The following AMDHD2 variants were observed in gnomAD, a reference collection of about 807,000 sequenced individuals.
The protein encoded by AMDHD2 is amidohydrolase domain containing 2, also known as N-acetylglucosamine-6-phosphate deacetylase.
AMDHD2 carries 24 observed loss-of-function variants against 41.8 expected under a neutral mutation model. That is an observed-to-expected ratio of 0.57 (90% confidence interval 0.42 to 0.81). The LOEUF (loss-of-function observed/expected upper bound fraction) is 0.81, where lower values mean the gene tolerates loss of function less well. Among genes scored for constraint, AMDHD2 ranks in the 30% least tolerant of loss-of-function variants. The pLI is 0.00. For synonymous variants in AMDHD2, 332 were observed against 255.5 expected (o/e 1.30, Z -2.85); for missense variants, 540 against 588.5 (o/e 0.92, Z 0.85).
chr16:2,528,934 G>A, intron 9 of AMDHD2, 60 bp from the exon 10 acceptor site: 1 of 1,523,646 alleles, frequency 6.6e-7, no homozygotes, highest in South Asian at 1.2e-5. Flanking sequence ...GTGTGGTTGG[G>A]GGCTGTTGGC....
At position 2,529,492 on chromosome 16, in the gene AMDHD2, G is replaced by A. The variant is rs374982917; in HGVS notation, c.1159G>A (p.Asp387Asn). The change falls in exon 11 of 11, where the codon GAC becomes AAC. Residue 387 changes from aspartate to asparagine, a missense_variant. By Grantham distance (23) the Asp-to-Asn change is conservative. Coordinates refer to ENST00000293971, the MANE Select transcript of AMDHD2 (RefSeq NM_001330449.2). ...GADADFVVLDDSLHVQATYIS... is the reference protein window; with the variant it reads ...GADADFVVLDNSLHVQATYIS... ...TGTCCCAGACTTCGTGGTGCTCGAC[G>A]ACTCCCTTCACGTCCAGGCCACCTA... 4.7e-5 allele frequency: 76 copies of A among 1,611,136 alleles called. 1 individual carries two copies. The Middle Eastern group carries it at 8.2e-4, about 17-fold the overall frequency.
At position 2,522,988 on chromosome 16, in the gene AMDHD2, C is replaced by T. The variant is rs151210402; in HGVS notation, c.360+1865C>T. Among the ~76,000 whole-genome samples the T allele has an allele frequency of 2.8e-3, 419 of 151,758 alleles. 3 individuals are homozygous for T. In the East Asian group the frequency reaches 0.032, roughly 11 times the overall value. On this transcript the variant is annotated intron_variant, in intron 3 of 10. Coordinates refer to ENST00000293971, the MANE Select transcript of AMDHD2 (RefSeq NM_001330449.2). Reference sequence around the variant, plus strand: ...TCGCCCGAGTAGCTGGGACTACAGGCGCCCGCCACCATGCCCGGCTAATTT... The same window carrying T: ...TCGCCCGAGTAGCTGGGACTACAGGTGCCCGCCACCATGCCCGGCTAATTT...
intron 3 of AMDHD2, among the ~76,000 whole-genome samples, chr16:2,523,423 A>G (rs899093286): frequency 2.0e-5 from 3 of 152,042 alleles, no homozygotes; most frequent in African/African-American, 7.2e-5. Context: ...TGGATTTGGC[A>G]TTGGCCTCCT....
intron 3 of AMDHD2, among the ~76,000 whole-genome samples, chr16:2,523,004 C>T (rs530435595): frequency 6.6e-5 from 10 of 151,954 alleles, no homozygotes; most frequent in South Asian, 2.1e-4. Flanking sequence ...CCACCATGCC[C>T]GGCTAATTTT....
At chr16:2,521,195 G>GCCCCACC (rs2065931874) in intron 3 of AMDHD2, 72 bp downstream of exon 3, 2 of 1,464,682 alleles carry the variant, frequency 1.4e-6, no homozygotes, top group East Asian at 2.5e-5. Context: ...TCAAACTCAC[G>GCCCCACC]CCCCACCCCC....
Position 2,527,446 on chromosome 16 carries a change from G to C in AMDHD2, c.361-115G>C. On this transcript the variant is annotated intron_variant, in intron 3 of 10. Coordinates refer to ENST00000293971, the MANE Select transcript of AMDHD2 (RefSeq NM_001330449.2). This position sits in a 1 kb window ranked among gnomAD's most constrained non-coding sequence, Gnocchi z 6.1. ...CCCCTGTGAGGGGACAGGCGGCCGG[G>C]GCTGGGCTGGGTGCTGGGCTCTGAA... is the stretch of plus-strand genomic sequence containing the variant. 8.6e-7 allele frequency: 1 copy of C among 1,158,186 alleles called. No individual in the cohort carries two copies. The highest frequency in any genetic ancestry group is 2.3e-5 in the Admixed American group (1 of 43,440). The allele number at this position is 1,158,186 out of a possible 1,614,324, so 71.7% of individuals were successfully genotyped here.
Position 2,529,792 on chromosome 16 carries a change from T to G in AMDHD2, c.*229T>G. The G allele has an allele frequency of 7.0e-7, 1 of 1,430,448 alleles. No individual in the cohort carries two copies. Among genetic ancestry groups the G allele is most frequent in the Non-Finnish European group, 9.1e-7 (1 of 1,096,222 alleles). The allele number at this position is 1,430,448 out of a possible 1,614,324, so 88.6% of individuals were successfully genotyped here. ...GTGGCACCATCCTTGGTTGCCCTCC[T>G]GGAGAAGGCATTCACGGCCTGGGGT... On this transcript the variant is annotated 3_prime_UTR_variant, in exon 11 of 11. Transcript: ENST00000293971.
In AMDHD2 at chr16:2,531,323, G is replaced by A; in HGVS notation, c.*1760G>A. The A allele has an allele frequency of 1.8e-6, 1 of 542,866 alleles. No homozygotes were observed. The highest frequency in any genetic ancestry group is 3.4e-6 in the Non-Finnish European group (1 of 297,928). The allele number at this position is 542,866 out of a possible 1,614,324, so 33.6% of individuals were successfully genotyped here. The stretch of plus-strand genomic sequence containing the variant: ...AGAGCTGGGCCAGGGAGCTGCTGCA[G>A]GATGATTTTGAGGTGTGGGGGAAGC... On this transcript the variant is annotated 3_prime_UTR_variant, in exon 11 of 11. Transcript: ENST00000293971.
In AMDHD2 at chr16:2,527,879, C is replaced by G; in HGVS notation, c.522C>G (p.Thr174=). 2 of 1,596,660 alleles carry G rather than the reference C, an allele frequency of 1.3e-6. No individual in the cohort carries two copies. Among genetic ancestry groups the G allele is most frequent in the Non-Finnish European group, 1.7e-6 (2 of 1,178,834 alleles). ...EADAFQDLLA[T]YGPLDNVRIV... Reference sequence around the variant, plus strand: ...ATGCCTTCCAGGACTTGCTGGCCACCTACGGGCCCCTGGACAATGTCCGCA... The same window carrying G: ...ATGCCTTCCAGGACTTGCTGGCCACGTACGGGCCCCTGGACAATGTCCGCA... Residue 174 remains threonine (T), a synonymous_variant, in exon 5 of 11, where the codon ACC becomes ACG. Coordinates refer to ENST00000293971, the MANE Select transcript of AMDHD2 (RefSeq NM_001330449.2). The surrounding 1 kb of genome is among the most constrained non-coding windows in gnomAD (Gnocchi z 6.1).
chr16:2,526,050 G>A (rs574758251), intron 3 of AMDHD2, among the ~76,000 whole-genome samples: 8 of 152,316 alleles, frequency 5.3e-5, no homozygotes, highest in South Asian at 2.1e-4. Flanking sequence ...GAGGGTGTCC[G>A]TGATGGCCCT....
intron 3 of AMDHD2, among the ~76,000 whole-genome samples, chr16:2,521,537 C>T (rs1365995920): frequency 6.6e-6 from 1 of 152,182 alleles, no homozygotes; most frequent in African/African-American, 2.4e-5. Flanking sequence ...TGGAACACGC[C>T]TTCCAGAAGA....
intron 6 of AMDHD2, 23 bp from the exon 7 acceptor site, chr16:2,528,213 T>A: frequency 6.2e-7 from 1 of 1,611,900 alleles, no homozygotes; most frequent in Non-Finnish European, 8.5e-7. Flanking sequence ...CGCTCAGCCA[T>A]CCCTTCCCTC....
At chr16:2,525,986 C>T (rs758696185) in intron 3 of AMDHD2, among the ~76,000 whole-genome samples, 3 of 152,202 alleles carry the variant, frequency 2.0e-5, no homozygotes, top group Non-Finnish European at 2.9e-5. Flanking sequence ...GCCCAGTGTT[C>T]CTTTTTCTGC....
Position 2,530,897 on chromosome 16 carries a change from G to T in AMDHD2, c.*1334G>T, listed in dbSNP as rs375338784. ...CAGGGATACCCACCTCTGCCTTGAC[G>T]GCCGCGCACCCCTTAGGAAGTGGCT... On this transcript the variant is annotated 3_prime_UTR_variant, in exon 11 of 11. Transcript: ENST00000293971. 6.2e-7 allele frequency: 1 copy of T among 1,613,504 alleles called. No homozygotes were observed. Among genetic ancestry groups the T allele is most frequent in the Non-Finnish European group, 8.5e-7 (1 of 1,179,968 alleles).
chr16:2,521,025 G>A lies in AMDHD2; in HGVS notation c.262G>A (p.Gly88Ser). 3 of 1,611,088 alleles carry A rather than the reference G, an allele frequency of 1.9e-6. No homozygotes were observed. Among genetic ancestry groups the A allele is most frequent in the Non-Finnish European group, 1.7e-6 (2 of 1,178,358 alleles). The change falls in exon 3 of 11, where the codon GGT becomes AGT. Residue 88 changes from glycine to serine, a missense_variant. Coordinates refer to ENST00000293971, the MANE Select transcript of AMDHD2 (RefSeq NM_001330449.2). ...VDFSQATEDV[G>S]SGVALVARRI... ...CTTCTCTCAAGCCACGGAGGACGTG[G>A]GTTCGGGGGTTGCCCTCGTGGCCCG...
chr16:2,520,948 G>A, intron 2 of AMDHD2, 36 bp from the exon 3 acceptor site: 1 of 1,598,362 alleles, frequency 6.3e-7, no homozygotes, highest in South Asian at 1.1e-5. Context: ...GAGGAGCTCT[G>A]AGCTCCATGC....
At position 2,529,589 on chromosome 16, in the gene AMDHD2, T is replaced by C. The variant is rs2066058219; in HGVS notation, c.*26T>C. 1 of 1,603,924 alleles carries C rather than the reference T, an allele frequency of 6.2e-7. No homozygotes were observed. The highest frequency in any genetic ancestry group is 1.3e-5 in the African/African-American group (1 of 74,908). On this transcript the variant is annotated 3_prime_UTR_variant, in exon 11 of 11. Transcript: ENST00000293971. The stretch of plus-strand genomic sequence containing the variant: ...CAAGGACCTCGGCTGAGAGGACACC[T>C]GGCCGCAGCGGGATGCCATCAGGGC...
intron 3 of AMDHD2, among the ~76,000 whole-genome samples, chr16:2,521,661 G>A (rs572819820): frequency 6.0e-5 from 9 of 151,080 alleles, no homozygotes; most frequent in Non-Finnish European, 1.0e-4. Context: ...GGTTCTACAG[G>A]GTTAACTTTT....
Position 2,530,480 on chromosome 16 carries a change from G to T in AMDHD2, c.*917G>T. ...TGGCTCTGAGGACAGCCACAGTGGG[G>T]TCAGACGTCAGGGATTGGTGCAGCC... On this transcript the variant is annotated 3_prime_UTR_variant, in exon 11 of 11. Coordinates refer to ENST00000293971, the MANE Select transcript of AMDHD2 (RefSeq NM_001330449.2). 6.2e-7 allele frequency: 1 copy of T among 1,614,200 alleles called. No individual in the cohort carries two copies. Among genetic ancestry groups the T allele is most frequent in the Non-Finnish European group, 8.5e-7 (1 of 1,180,006 alleles).
Sources: allele counts gnomAD v4.1 joint callset (sites outside exome capture counted in the v4.1 genomes callset), GRCh38; gene constraint gnomAD v4.1.1; non-coding constraint Gnocchi (gnomAD v3.1); transcripts MANE v1.5; gene names NCBI Gene and HGNC (gene_info 2026-07-23, HGNC 2026-07-21).